The following PKD1 variants were observed in gnomAD, a reference collection of about 807,000 sequenced individuals.
The protein encoded by PKD1 is polycystin-1.
PKD1 carries 81 observed loss-of-function variants against 361.7 expected under a neutral mutation model. The ratio of observed to expected loss-of-function variants is 0.22; its 90% CI spans 0.19 to 0.27. PKD1 has a LOEUF of 0.27. Ranked by LOEUF, PKD1 falls within the 10% of genes least tolerant of loss-of-function variation. The probability of loss-of-function intolerance (pLI) is 1.00; values close to 1 mark genes in which losing one functional copy is unlikely to be tolerated. For missense variants in PKD1, 6,399 were observed against 6,118.3 expected (o/e 1.05, Z -1.53); for synonymous variants, 3,615 against 2,818.3 (o/e 1.28, Z -8.95).
Position 2,113,221 on chromosome 16 carries a change from C to G in PKD1, c.2925G>C (p.Leu975=), listed in dbSNP as rs1346731091. 6 of 1,423,472 alleles carry G rather than the reference C, an allele frequency of 4.2e-6. No homozygotes were observed. Among genetic ancestry groups the G allele is most frequent in the South Asian group, 1.1e-5 (1 of 87,570 alleles). The allele number at this position is 1,423,472 out of a possible 1,614,324, so 88.2% of individuals were successfully genotyped here. A position where few individuals can be genotyped will look rare whatever the true frequency, so the allele number is the denominator to read the frequency against. Residue 975 remains leucine (L), a synonymous_variant, in exon 12 of 46, where the codon CTG becomes CTC. Transcript: ENST00000262304. ...CATTGAAGACCACGTTCTGGAAGGT[C>G]AGGGACTGCTTGTCGTTGATGGTCC... The part of the protein sequence containing the change: ...FRWTINDKQS[L]TFQNVVFNVI...
At chr16:2,092,005 C>T (rs748007143) in intron 40 of PKD1, 42 bp downstream of exon 40, 1 of 1,612,628 alleles carries the variant, frequency 6.2e-7, no homozygotes, top group Non-Finnish European at 8.5e-7. Flanking sequence ...GAACTACTCC[C>T]TTGTCCTTGG....
chr16:2,110,604 A>T lies in PKD1; in HGVS notation c.4563T>A (p.Gly1521=), dbSNP rs143843155. 1 of 1,610,446 alleles carries T rather than the reference A, an allele frequency of 6.2e-7. No homozygotes were observed. Among genetic ancestry groups the T allele is most frequent in the Non-Finnish European group, 8.5e-7 (1 of 1,179,636 alleles). The change falls in exon 15 of 46, where the codon GGT becomes GGA. Residue 1521 remains glycine, a synonymous_variant. Transcript: ENST00000262304. ...PEVTHAYNST[G]DFTVRVAGWN... ...AGCCGGCCACCCTAACGGTGAAGTC[A>T]CCTGTGCTGTTGTAAGCGTGGGTGA...
rs1369531538 is a variant in PKD1, at chr16:2,112,777, G to C, written c.3161+11C>G. On this transcript the variant is annotated intron_variant, in intron 13 of 45. Coordinates refer to ENST00000262304, the MANE Select transcript of PKD1 (RefSeq NM_001009944.3). ...TGGTGCCCACCCCAAACCGGCCCCCGAGTCACTCACAGGAAGGCCACCTCC... is the reference window on the plus strand; with the variant it reads ...TGGTGCCCACCCCAAACCGGCCCCCCAGTCACTCACAGGAAGGCCACCTCC... 6.3e-7 allele frequency: 1 copy of C among 1,594,990 alleles called. No individual in the cohort carries two copies.
chr16:2,124,067 C>A (rs2092762371), intron 1 of PKD1, among the ~76,000 whole-genome samples: 1 of 152,288 alleles, frequency 6.6e-6, no homozygotes, highest in South Asian at 2.1e-4. Context: ...AGAAGGAAGT[C>A]CCAGGTGTGT....
In PKD1 at chr16:2,119,508, G is replaced by C. The variant is rs1002868772; in HGVS notation, c.216-130C>G. 9.9e-6 allele frequency: 7 copies of C among 706,862 alleles called. No individual in the cohort carries two copies. The African/African-American group carries it at 1.2e-4, about 12-fold the overall frequency. The allele number at this position is 706,862 out of a possible 1,614,324, so 43.8% of individuals were successfully genotyped here. ...CACCCTTGAGCTCCCCACTCCCAGAGGTCAGGAGGGGACTTTCTGATGGAA... is the reference window on the plus strand; with the variant it reads ...CACCCTTGAGCTCCCCACTCCCAGACGTCAGGAGGGGACTTTCTGATGGAA... On this transcript the variant is annotated intron_variant, in intron 1 of 45. Transcript: ENST00000262304.
intron 22 of PKD1, 74 bp downstream of exon 22, chr16:2,104,424 G>A (rs1234288953): frequency 9.4e-6 from 11 of 1,168,950 alleles, no homozygotes; most frequent in East Asian, 2.6e-5. Flanking sequence ...AGGCGACGCG[G>A]TTGGGGGGAG....
chr16:2,130,743 G>T (rs1433225100), intron 1 of PKD1, among the ~76,000 whole-genome samples: 1 of 152,170 alleles, frequency 6.6e-6, no homozygotes, highest in South Asian at 2.1e-4. Context: ...AGGGGCCCCG[G>T]GGTCTGCGCC....
rs757584312 is a variant in PKD1, at chr16:2,092,146, G to C, written c.11312C>G (p.Ser3771Trp). The C allele has an allele frequency of 4.3e-6, 7 of 1,612,404 alleles. No individual in the cohort carries two copies. The highest frequency in any genetic ancestry group is 5.9e-6 in the Non-Finnish European group (7 of 1,179,830). Residue 3771 changes from serine (S) to tryptophan (W), a missense_variant, in exon 40 of 46, where the codon TCG (serine) becomes TGG (tryptophan). By Grantham distance (177) the Ser-to-Trp change is radical. Transcript: ENST00000262304. ...GCTGGTGCTGAAGCCTCCTGCGGCC[G>C]AGCACGTGTGGACCCTGGGGCCGGG... ...DPPGPRVHTC[S>W]AAGGFSTSDY... is the part of the protein sequence containing the mutation.
Position 2,112,326 on chromosome 16 carries a change from C to G in PKD1, c.3295+14G>C. The G allele has an allele frequency of 1.3e-6, 2 of 1,584,164 alleles. No individual in the cohort carries two copies. Among genetic ancestry groups the G allele is most frequent in the Non-Finnish European group, 1.7e-6 (2 of 1,172,124 alleles). On this transcript the variant is annotated intron_variant, in intron 14 of 45. Coordinates refer to ENST00000262304, the MANE Select transcript of PKD1 (RefSeq NM_001009944.3). ...CCTGAAAGGCAGTGGCCCCCTCACC[C>G]CCTCATCCCTCACCTGGGGCAGCGT...
intron 35 of PKD1, 31 bp from the exon 36 acceptor site, chr16:2,094,044 C>T (rs1596489620): frequency 6.3e-7 from 1 of 1,591,698 alleles, no homozygotes; most frequent in Non-Finnish European, 8.6e-7. Flanking sequence ...CTGTGAGAGG[C>T]AGCTCACAGG....
rs1228209282 is a variant in PKD1, at chr16:2,108,859, T to C, written c.6308A>G (p.Gln2103Arg). ...HWDFGDGSPGQDTDEPRAEHS... is the reference protein window; with the variant it reads ...HWDFGDGSPGRDTDEPRAEHS... ...CTCGGCCCTGGGCTCATCTGTGTCC[T>C]GCCCTGGCGACCCATCCCCAAAGTC... The change falls in exon 15 of 46, where the codon CAG (glutamine) becomes CGG (arginine). Residue 2103 changes from glutamine (Q) to arginine (R), a missense_variant. Physicochemically the swap from Gln to Arg is conservative, Grantham distance 43. Coordinates refer to ENST00000262304, the MANE Select transcript of PKD1 (RefSeq NM_001009944.3). The C allele has an allele frequency of 1.3e-6, 2 of 1,575,192 alleles. No individual in the cohort carries two copies. Among genetic ancestry groups the C allele is most frequent in the South Asian group, 1.2e-5 (1 of 86,714 alleles).
In PKD1 at chr16:2,090,842, G is replaced by T. The variant is rs117865497; in HGVS notation, c.12004-34C>A. Reference sequence around the variant, plus strand: ...GAGAAATCTGTCTGCTTGCAGCCCTGGGGTGTGCGCCCAGCCCCGCGCCCA... The same window carrying T: ...GAGAAATCTGTCTGCTTGCAGCCCTTGGGTGTGCGCCCAGCCCCGCGCCCA... On this transcript the variant is annotated intron_variant, in intron 43 of 45. Coordinates refer to ENST00000262304, the MANE Select transcript of PKD1 (RefSeq NM_001009944.3). 40,277 of 1,610,596 alleles carry T rather than the reference G, an allele frequency of 0.025. 617 individuals are homozygous for T. The highest frequency in any genetic ancestry group is 0.029 in the Non-Finnish European group (34,183 of 1,179,868).
At chr16:2,130,750 C>T (rs546041429) in intron 1 of PKD1, among the ~76,000 whole-genome samples, 3 of 152,290 alleles carry the variant, frequency 2.0e-5, no homozygotes, top group African/African-American at 7.2e-5. Context: ...CCGGGGTCTG[C>T]GCCTGCTGTC....
intron 37 of PKD1, 121 bp from the exon 38 acceptor site, chr16:2,093,214 G>C: frequency 8.2e-7 from 1 of 1,220,550 alleles, no homozygotes; most frequent in Non-Finnish European, 1.2e-6. Context: ...GCTGGCAGGG[G>C]GCGCCCCAAG....
In PKD1 at chr16:2,109,112, C is replaced by A. The variant is rs1453208461; in HGVS notation, c.6055G>T (p.Val2019Phe). The change falls in exon 15 of 46, where the codon GTC (valine) becomes TTC (phenylalanine). Residue 2019 changes from valine to phenylalanine, a missense_variant. By Grantham distance (50) the Val-to-Phe change is conservative. Transcript: ENST00000262304. Reference protein sequence around the residue: ...SLQKVQGDSLVILSGRDVTYT... With the variant: ...SLQKVQGDSLFILSGRDVTYT... Reference sequence around the variant, plus strand: ...GTGACGTCGCGGCCCGACAGGATGACCAGCGAGTCGCCCTGGACCTTCTGC... The same window carrying A: ...GTGACGTCGCGGCCCGACAGGATGAACAGCGAGTCGCCCTGGACCTTCTGC... 3 of 1,603,040 alleles carry A rather than the reference C, an allele frequency of 1.9e-6. No individual in the cohort carries two copies. Among genetic ancestry groups the A allele is most frequent in the Non-Finnish European group, 2.6e-6 (3 of 1,174,162 alleles).
At position 2,135,455 on chromosome 16, in the gene PKD1, C is replaced by A; in HGVS notation, c.215+20G>T. 1 of 1,165,576 alleles carries A rather than the reference C, an allele frequency of 8.6e-7. No homozygotes were observed. Among genetic ancestry groups the A allele is most frequent in the East Asian group, 3.8e-5 (1 of 26,648 alleles). The allele number at this position is 1,165,576 out of a possible 1,614,324, so 72.2% of individuals were successfully genotyped here. ...CCCGTCCCGCGGCCTCTCCCGGGTG[C>A]CGCTGGGCCCGCTACTCACAGCGCT... On this transcript the variant is annotated intron_variant, in intron 1 of 45. Coordinates refer to ENST00000262304, the MANE Select transcript of PKD1 (RefSeq NM_001009944.3).
chr16:2,122,060 C>T (rs1039087768), intron 1 of PKD1, among the ~76,000 whole-genome samples: 7 of 152,222 alleles, frequency 4.6e-5, no homozygotes, highest in African/African-American at 9.7e-5. Flanking sequence ...CGGTGGGGCC[C>T]GGGGCCAGGG....
intron 10 of PKD1, 197 bp from the exon 11 acceptor site, chr16:2,115,122 G>A (rs553498388): frequency 2.1e-6 from 2 of 971,480 alleles, no homozygotes; most frequent in East Asian, 1.1e-4. Context: ...CACAGGCCAA[G>A]ACCTGGCAGA....
chr16:2,116,448 C>G, intron 8 of PKD1, 81 bp downstream of exon 8: 1 of 772,076 alleles, frequency 1.3e-6, no homozygotes, highest in Non-Finnish European at 2.2e-6. Context: ...AGTTTTTTGG[C>G]GAGACCCACA....
Sources: allele counts gnomAD v4.1 joint callset (sites outside exome capture counted in the v4.1 genomes callset), GRCh38; gene constraint gnomAD v4.1.1; transcripts MANE v1.5; gene names NCBI Gene and HGNC (gene_info 2026-07-23, HGNC 2026-07-21).